Variants in TMEM132D observed in about 807,000 individuals in gnomAD.
TMEM132D encodes the protein transmembrane protein 132D, also known as mature OL transmembrane protein.
In TMEM132D, 21 loss-of-function variants were observed where a neutral mutation model predicts 62.3. That is an observed-to-expected ratio of 0.34 (90% CI 0.24 to 0.49). The LOEUF (loss-of-function observed/expected upper bound fraction) is 0.49. Ranked by LOEUF, TMEM132D falls within the 20% of genes least tolerant of loss-of-function variation. The pLI is 0.99. For synonymous variants in TMEM132D, 621 were observed against 575.6 expected (o/e 1.08, Z -1.13); for missense variants, 1,346 against 1,402.8 (o/e 0.96, Z 0.65).
intron 3 of TMEM132D, among the ~76,000 whole-genome samples, chr12:129,450,979 G>C (rs1873265543): frequency 6.6e-6 from 1 of 151,908 alleles, no homozygotes; most frequent in South Asian, 2.1e-4. Context: ...GGCCAGGCTT[G>C]TCTAGAACTC....
At chr12:129,379,396 G>A (rs1465537658) in intron 3 of TMEM132D, among the ~76,000 whole-genome samples, 3 of 152,264 alleles carry the variant, frequency 2.0e-5, no homozygotes, top group South Asian at 2.1e-4. Context: ...GTCTCTGTCC[G>A]TAGCAAGACA....
intron 3 of TMEM132D, among the ~76,000 whole-genome samples, chr12:129,456,968 A>G (rs1873492098): frequency 6.6e-6 from 1 of 152,152 alleles, no homozygotes; most frequent in Non-Finnish European, 1.5e-5. Flanking sequence ...GTGGAGAAAT[A>G]GGAACACTTT....
intron 3 of TMEM132D, among the ~76,000 whole-genome samples, chr12:129,463,470 G>GTATGTATTAT (rs1555258179): frequency 8.5e-6 from 1 of 117,642 alleles, no homozygotes; most frequent in East Asian, 3.0e-4. Context: ...ATTTATTTAT[G>GTATGTATTAT]TATTATTATT....
chr12:129,831,841 AT>A (rs1181499836), intron 1 of TMEM132D, among the ~76,000 whole-genome samples: 8 of 145,232 alleles, frequency 5.5e-5, no homozygotes, highest in African/African-American at 1.5e-4. Context: ...ACGTTGAAGC[AT>A]TTTTTTTTCT....
chr12:129,331,374 C>A (rs1869099771), intron 4 of TMEM132D, among the ~76,000 whole-genome samples: 1 of 152,226 alleles, frequency 6.6e-6, no homozygotes, highest in African/African-American at 2.4e-5. Context: ...CCCTGTAGGG[C>A]TGGAGTTCTC....
In TMEM132D at chr12:129,603,224, G is replaced by A. The variant is rs11833377; in HGVS notation, c.969-72019C>T. On this transcript the variant is annotated intron_variant, in intron 2 of 8. Coordinates refer to ENST00000422113, the MANE Select transcript of TMEM132D (RefSeq NM_133448.3). ...ACACATTTTATGGGTTTGAACAAAT[G>A]TACAATGACAATGTACCCACTGTTA... 8.5e-3 allele frequency among the ~76,000 whole-genome samples: 1,297 copies of A among 152,252 alleles called. 18 individuals carry two copies. Among genetic ancestry groups the A allele is most frequent in the African/African-American group, 0.03 (1,254 of 41,548 alleles).
intron 2 of TMEM132D, among the ~76,000 whole-genome samples, chr12:129,638,696 T>A (rs971742547): frequency 6.6e-6 from 1 of 151,836 alleles, no homozygotes; most frequent in African/African-American, 2.4e-5. Flanking sequence ...GTTTCCGGTA[T>A]CATCAGTATC....
intron 3 of TMEM132D, among the ~76,000 whole-genome samples, chr12:129,480,684 C>A (rs183547260): frequency 6.6e-6 from 1 of 152,126 alleles, no homozygotes; most frequent in Non-Finnish European, 1.5e-5. Context: ...TCCAGGGACT[C>A]CAGATAAATG....
At chr12:129,118,597 C>G (rs1875965267) in intron 5 of TMEM132D, among the ~76,000 whole-genome samples, 1 of 152,202 alleles carries the variant, frequency 6.6e-6, no homozygotes, top group Admixed American at 6.5e-5. Flanking sequence ...TTAGAGGGCA[C>G]TGAATGAAAC....
chr12:129,302,177 T>C (rs1395170633), intron 4 of TMEM132D, among the ~76,000 whole-genome samples: 1 of 152,236 alleles, frequency 6.6e-6, no homozygotes, highest in Admixed American at 6.5e-5. Flanking sequence ...TGCAATGGCA[T>C]GATCTCGGCT....
At chr12:129,248,226 C>T (rs181008509) in intron 4 of TMEM132D, among the ~76,000 whole-genome samples, 1 of 152,100 alleles carries the variant, frequency 6.6e-6, no homozygotes, top group East Asian at 1.9e-4. Context: ...ATGCTGAAAC[C>T]GTGTCATAGG....
In TMEM132D at chr12:129,081,994, C is replaced by T. The variant is rs1022917530; in HGVS notation, c.1688G>A (p.Arg563Gln). 7 of 1,612,138 alleles carry T rather than the reference C, an allele frequency of 4.3e-6. No homozygotes were observed. Among genetic ancestry groups the T allele is most frequent in the African/African-American group, 2.7e-5 (2 of 74,894 alleles). The change falls in exon 7 of 9, where the codon CGG (arginine) becomes CAG (glutamine). Residue 563 changes from arginine to glutamine, a missense_variant. Transcript: ENST00000422113. ...CTGCAGGGTGCAGCCGCGGCCCCTCCGCTCATCATCCTCCTCCTCTTCACT... is the reference window on the plus strand; with the variant it reads ...CTGCAGGGTGCAGCCGCGGCCCCTCTGCTCATCATCCTCCTCCTCTTCACT... The part of the protein sequence containing the change: ...GDSEEEEDDE[R>Q]RGRGCTLQYQ...
chr12:129,399,639 C>CAAAAA (rs61117388), intron 3 of TMEM132D, among the ~76,000 whole-genome samples: 93 of 130,876 alleles, frequency 7.1e-4, no homozygotes, highest in African/African-American at 1.4e-3. Flanking sequence ...GAGGACGTCT[C>CAAAAA]AAAAAAAAAA....
chr12:129,903,650 A>C lies in TMEM132D; in HGVS notation c.-311T>G. 1 of 248,552 alleles carries C rather than the reference A, an allele frequency of 4.0e-6. No individual in the cohort carries two copies. The highest frequency in any genetic ancestry group is 7.7e-6 in the Non-Finnish European group (1 of 130,262). 15.4% of individuals were successfully genotyped at this position (248,552 alleles called of 1,614,324 possible). ...ACAGGGGGTATTTCCTTTCCTGTTT[A>C]CCCGAGCGAAGAGTGGCCCCCGGTG... is the stretch of plus-strand genomic sequence containing the variant. On this transcript the variant is annotated 5_prime_UTR_variant, in exon 1 of 9. Coordinates refer to ENST00000422113, the MANE Select transcript of TMEM132D (RefSeq NM_133448.3). The surrounding 1 kb of genome is among the most constrained non-coding windows in gnomAD (Gnocchi z 6.2).
chr12:129,314,314 G>C (rs187879362), intron 4 of TMEM132D, among the ~76,000 whole-genome samples: 5 of 152,112 alleles, frequency 3.3e-5, no homozygotes, highest in African/African-American at 1.2e-4. Flanking sequence ...ATGAGGATCC[G>C]TTTCATTCTC....
intron 5 of TMEM132D, among the ~76,000 whole-genome samples, chr12:129,126,552 A>G (rs986352929): frequency 6.6e-6 from 1 of 152,128 alleles, no homozygotes; most frequent in Admixed American, 6.5e-5. Context: ...TCCCATCTGC[A>G]TTGGAGGGAT....
intron 3 of TMEM132D, among the ~76,000 whole-genome samples, chr12:129,420,304 C>CTGTTTTT (rs1872266298): frequency 2.9e-5 from 2 of 69,890 alleles, no homozygotes; most frequent in African/African-American, 6.6e-5. Flanking sequence ...TGCACGTTCT[C>CTGTTTTT]TGTTTTTTTT....
intron 4 of TMEM132D, among the ~76,000 whole-genome samples, chr12:129,284,294 G>A (rs1455507476): frequency 6.6e-6 from 1 of 152,212 alleles, no homozygotes; most frequent in Non-Finnish European, 1.5e-5. Flanking sequence ...GTCCCCAGAT[G>A]CCTGAAGACC....
intron 3 of TMEM132D, among the ~76,000 whole-genome samples, chr12:129,430,977 A>G (rs1340795819): frequency 1.3e-5 from 2 of 152,202 alleles, no homozygotes; most frequent in Non-Finnish European, 2.9e-5. Context: ...TGATGGAGGG[A>G]ATCTGCTCTA....
Sources: allele counts gnomAD v4.1 joint callset (sites outside exome capture counted in the v4.1 genomes callset), GRCh38; gene constraint gnomAD v4.1.1; non-coding constraint Gnocchi (gnomAD v3.1); transcripts MANE v1.5; gene names NCBI Gene and HGNC (gene_info 2026-07-23, HGNC 2026-07-21).